DNAI3: variants seen among roughly 807,000 people sequenced by gnomAD.
DNAI3 encodes the protein WD repeat domain 63.
Under a neutral mutation model 115.5 loss-of-function variants are expected in DNAI3, and 83 were observed. The observed-to-expected ratio is 0.72, with a 90% CI of 0.60 to 0.86. The LOEUF (loss-of-function observed/expected upper bound fraction) is 0.86. Ranked by LOEUF, DNAI3 falls within the 40% of genes least tolerant of loss-of-function variation. The pLI is 0.00. For missense variants in DNAI3, 1,004 were observed against 1,075.8 expected (o/e 0.93, Z 0.93); for synonymous variants, 320 against 347.0 (o/e 0.92, Z 0.86).
chr1:85,105,000 T>C (rs1291538201), intron 14 of DNAI3, among the ~76,000 whole-genome samples: 1 of 152,238 alleles, frequency 6.6e-6, no homozygotes, highest in Non-Finnish European at 1.5e-5. Flanking sequence ...AGTGTTTTTA[T>C]AAACAACTCG....
At chr1:85,063,620 T>G (rs1654007534) in intron 1 of DNAI3, among the ~76,000 whole-genome samples, 1 of 152,194 alleles carries the variant, frequency 6.6e-6, no homozygotes, top group African/African-American at 2.4e-5. Context: ...TCCAGGAAAT[T>G]TGCATTTCAA....
chr1:85,119,261 C>A lies in DNAI3; in HGVS notation c.1917+1402C>A, dbSNP rs373661436. ...GAAAAGTACATTCATATTGTACAACCATCACCACCATCCATGTCCAGAACT... is the reference window on the plus strand; with the variant it reads ...GAAAAGTACATTCATATTGTACAACAATCACCACCATCCATGTCCAGAACT... On this transcript the variant is annotated intron_variant, in intron 17 of 22. Coordinates refer to ENST00000294664, the MANE Select transcript of DNAI3 (RefSeq NM_145172.5). Among the ~76,000 whole-genome samples the A allele has an allele frequency of 2.8e-4, 43 of 152,222 alleles. 1 individual carries two copies. The South Asian group carries it at 8.9e-3, about 32-fold the overall frequency.
intron 1 of DNAI3, among the ~76,000 whole-genome samples, chr1:85,071,669 G>A (rs559957238): frequency 6.6e-6 from 1 of 152,276 alleles, no homozygotes; most frequent in South Asian, 2.1e-4. Context: ...CTATGGCTGA[G>A]ACTTTGTTCT....
chr1:85,103,207 A>G (rs1236743264), intron 13 of DNAI3, among the ~76,000 whole-genome samples: 3 of 152,234 alleles, frequency 2.0e-5, no homozygotes, highest in Non-Finnish European at 2.9e-5. Context: ...AGAATTGAGG[A>G]AAGTCATGCG....
intron 13 of DNAI3, among the ~76,000 whole-genome samples, chr1:85,101,898 T>C (rs1655333815): frequency 6.6e-6 from 1 of 151,812 alleles, no homozygotes; most frequent in African/African-American, 2.4e-5. Flanking sequence ...TATAAATTTC[T>C]AAATTAAGAA....
chr1:85,074,794 T>C (rs999200908), intron 3 of DNAI3, among the ~76,000 whole-genome samples: 1 of 152,224 alleles, frequency 6.6e-6, no homozygotes, highest in Non-Finnish European at 1.5e-5. Flanking sequence ...AGTCAATACA[T>C]AACCTTGTTT....
At chr1:85,101,279 C>G (rs909645059) in intron 13 of DNAI3, among the ~76,000 whole-genome samples, 8 of 151,864 alleles carry the variant, frequency 5.3e-5, no homozygotes, top group Non-Finnish European at 7.4e-5. Context: ...TCATAATGAA[C>G]CAAAATAAAT....
chr1:85,075,571 C>G (rs1481539921), intron 3 of DNAI3, among the ~76,000 whole-genome samples: 1 of 152,070 alleles, frequency 6.6e-6, no homozygotes, highest in Non-Finnish European at 1.5e-5. Context: ...CTGACCTTGC[C>G]AACTGTTAAT....
intron 16 of DNAI3, among the ~76,000 whole-genome samples, chr1:85,113,670 G>C (rs962085931): frequency 6.6e-6 from 1 of 151,576 alleles, no homozygotes; most frequent in South Asian, 2.1e-4. Flanking sequence ...GTTTTTGACT[G>C]TTGTAAGTTT....
intron 12 of DNAI3, 69 bp downstream of exon 12, chr1:85,097,724 T>C: frequency 1.5e-6 from 2 of 1,362,392 alleles, no homozygotes; most frequent in Non-Finnish European, 2.0e-6. Flanking sequence ...GTACATAATA[T>C]AGTTGCCAAG....
intron 9 of DNAI3, chr1:85,094,196 C>G: frequency 1.8e-6 from 1 of 548,520 alleles, no homozygotes; most frequent in Non-Finnish European, 3.2e-6. Context: ...CTTCTGAGTC[C>G]CCTGTATATT....
intron 10 of DNAI3, among the ~76,000 whole-genome samples, chr1:85,095,538 C>CCAGG: frequency 1.3e-5 from 2 of 152,288 alleles, no homozygotes; most frequent in Middle Eastern, 3.4e-3. Context: ...GTGCCTGGCT[C>CCAGG]AGTATTCAGC....
intron 5 of DNAI3, among the ~76,000 whole-genome samples, chr1:85,083,881 A>G (rs1654705934): frequency 1.3e-5 from 2 of 152,018 alleles, no homozygotes; most frequent in Admixed American, 1.3e-4. Flanking sequence ...ATGTTCTACA[A>G]TAATGGATCT....
chr1:85,130,728 T>C (rs183063004), intron 22 of DNAI3, among the ~76,000 whole-genome samples: 91 of 150,996 alleles, frequency 6.0e-4, no homozygotes, highest in Middle Eastern at 3.4e-3. Flanking sequence ...TAAATAGATA[T>C]GAGGGGGTAG....
intron 16 of DNAI3, among the ~76,000 whole-genome samples, chr1:85,111,029 G>A (rs933771719): frequency 6.6e-6 from 1 of 152,166 alleles, no homozygotes; most frequent in African/African-American, 2.4e-5. Flanking sequence ...CACCTGGAGA[G>A]CAATGCATAA....
At chr1:85,063,515 A>G (rs912829046) in intron 1 of DNAI3, among the ~76,000 whole-genome samples, 2 of 152,208 alleles carry the variant, frequency 1.3e-5, no homozygotes, top group Non-Finnish European at 2.9e-5. Flanking sequence ...GTTTTGCAAA[A>G]TCTGGTGTAT....
At chr1:85,072,646 A>G (rs1319500900) in intron 2 of DNAI3, among the ~76,000 whole-genome samples, 1 of 109,772 alleles carries the variant, frequency 9.1e-6, no homozygotes, top group Non-Finnish European at 2.0e-5. Context: ...CATCTCAAAA[A>G]AAAAAAAAGA....
chr1:85,065,657 G>A (rs566339597), intron 1 of DNAI3, among the ~76,000 whole-genome samples: 1 of 152,264 alleles, frequency 6.6e-6, no homozygotes, highest in Admixed American at 6.5e-5. Context: ...TCAGGCATTT[G>A]TGACATATAC....
At chr1:85,107,292 T>C (rs1557720383) in intron 14 of DNAI3, among the ~76,000 whole-genome samples, 1 of 152,168 alleles carries the variant, frequency 6.6e-6, no homozygotes, top group Non-Finnish European at 1.5e-5. Flanking sequence ...GCATTTATAA[T>C]AGTGAAAAAG....
Sources: gnomAD v4.1 joint callset for allele counts (sites outside exome capture counted in the v4.1 genomes callset) on GRCh38, gnomAD v4.1.1 for gene constraint, MANE v1.5 for transcripts, NCBI Gene and HGNC (gene_info 2026-07-23, HGNC 2026-07-21) for gene names.